TANGO2: variants seen among roughly 807,000 people sequenced by gnomAD.
TANGO2 encodes the protein transport and Golgi organization protein 2 homolog.
TANGO2 carries 26 observed loss-of-function variants against 39.1 expected under a neutral mutation model. The observed-to-expected ratio is 0.67, with a 90% CI of 0.49 to 0.92. TANGO2 has a LOEUF of 0.92. TANGO2 is among the 40% of genes least tolerant of loss of function. The pLI, the probability that TANGO2 is intolerant of heterozygous loss-of-function variation, is 0.00. For missense variants in TANGO2, 326 were observed against 360.1 expected (o/e 0.91, Z 0.77); for synonymous variants, 131 against 144.5 (o/e 0.91, Z 0.67).
rs1602236173 is a variant in TANGO2, at chr22:20,052,546, A to C, written c.227A>C (p.Tyr76Ser). The change falls in exon 4 of 9, where the codon TAC becomes TCC. Residue 76 changes from tyrosine to serine, a missense_variant. By Grantham distance (144) the Tyr-to-Ser change is moderately radical (BLOSUM62 -2). Coordinates refer to ENST00000327374, the MANE Select transcript of TANGO2 (RefSeq NM_152906.7). ...GGCAAGCTGGCAGCACTCACCAACT[A>C]CCTGCAGCCGCAGCTGGACTGGCAG... ...TRGKLAALTNYLQPQLDWQAR... is the reference protein window; with the variant it reads ...TRGKLAALTNSLQPQLDWQAR... 1 of 1,571,554 alleles carries C rather than the reference A, an allele frequency of 6.4e-7. No individual in the cohort carries two copies. Among genetic ancestry groups the C allele is most frequent in the Non-Finnish European group, 8.6e-7 (1 of 1,158,336 alleles).
intron 2 of TANGO2, 71 bp downstream of exon 2, chr22:20,036,925 A>G (rs1162234971): frequency 1.2e-6 from 2 of 1,614,052 alleles, no homozygotes; most frequent in South Asian, 2.2e-5. Context: ...CATGCCACCC[A>G]AGCTGCTGTG....
rs369261835 is a variant in TANGO2, at chr22:20,043,346, C to G, written c.57-9C>G. ...ATCTGAAGCCATCAGTGATGCTTTCCTCTTGCAGGCTCATCTTGGCAGCCA... is the reference window on the plus strand; with the variant it reads ...ATCTGAAGCCATCAGTGATGCTTTCGTCTTGCAGGCTCATCTTGGCAGCCA... On this transcript the variant is annotated splice_polypyrimidine_tract_variant and intron_variant, in intron 2 of 8. Transcript: ENST00000327374. 155 of 1,606,986 alleles carry G rather than the reference C, an allele frequency of 9.6e-5. No homozygotes were observed. The highest frequency in any genetic ancestry group is 1.3e-4 in the Non-Finnish European group (153 of 1,174,218).
chr22:20,063,144 G>T, intron 7 of TANGO2, 194 bp from the exon 8 acceptor site: 1 of 561,860 alleles, frequency 1.8e-6, no homozygotes, highest in East Asian at 3.0e-5. Flanking sequence ...CGACAAGAGT[G>T]AAACTCCTCC....
At chr22:20,056,934 G>A (rs1054350339) in intron 6 of TANGO2, 16 of 456,452 alleles carry the variant, frequency 3.5e-5, no homozygotes, top group Middle Eastern at 3.3e-4. Flanking sequence ...GTGTTCCGGC[G>A]CCTGGGGAGT....
At position 20,064,926 on chromosome 22, in the gene TANGO2, T is replaced by A; in HGVS notation, c.*264T>A. 4.5e-6 allele frequency: 2 copies of A among 447,948 alleles called. No homozygotes were observed. The highest frequency in any genetic ancestry group is 8.1e-6 in the Non-Finnish European group (2 of 246,398). The allele number at this position is 447,948 out of a possible 1,614,324, so 27.7% of individuals were successfully genotyped here. On this transcript the variant is annotated 3_prime_UTR_variant, in exon 9 of 9. Coordinates refer to ENST00000327374, the MANE Select transcript of TANGO2 (RefSeq NM_152906.7). Reference sequence around the variant, plus strand: ...TATACCATGAACATGTGGATACACCTGAGCCCACTCTTGCACATGTACACA... The same window carrying A: ...TATACCATGAACATGTGGATACACCAGAGCCCACTCTTGCACATGTACACA...
At chr22:20,047,228 G>GTTTTTTTTTTTTTT (rs1281456111) in intron 3 of TANGO2, among the ~76,000 whole-genome samples, 1 of 132,746 alleles carries the variant, frequency 7.5e-6, no homozygotes, top group Non-Finnish European at 1.7e-5. Context: ...TTTTTGGTTT[G>GTTTTTTTTTTTTTT]TTTGTTTTTT....
At chr22:20,039,628 TAAAAAA>T (rs1294545111) in intron 2 of TANGO2, among the ~76,000 whole-genome samples, 1 of 150,666 alleles carries the variant, frequency 6.6e-6, no homozygotes, top group South Asian at 2.1e-4. Flanking sequence ...GACTCCATCT[TAAAAAA>T]AAGAAAAAAC....
intron 6 of TANGO2, chr22:20,056,784 A>G (rs1485535695): frequency 4.4e-6 from 2 of 456,554 alleles, no homozygotes; most frequent in Non-Finnish European, 8.8e-6. Flanking sequence ...TGTAGGGACC[A>G]TAGCCTAGGT....
At chr22:20,027,218 T>C (rs1442284618) in intron 1 of TANGO2, among the ~76,000 whole-genome samples, 2 of 152,072 alleles carry the variant, frequency 1.3e-5, no homozygotes, top group Non-Finnish European at 2.9e-5. Flanking sequence ...GGGGGGATGG[T>C]GTTAAACTTT....
At chr22:20,063,238 C>T in intron 7 of TANGO2, 100 bp from the exon 8 acceptor site, 2 of 917,940 alleles carry the variant, frequency 2.2e-6, no homozygotes, top group South Asian at 1.5e-5. Flanking sequence ...TCCCCGGCCA[C>T]TCCCCAGAGC....
Position 20,061,549 on chromosome 22 carries a change from C to T in TANGO2, c.471C>T (p.Asn157=), listed in dbSNP as rs148730599. Residue 157 remains asparagine (N), a synonymous_variant, in exon 7 of 9, where the codon AAC becomes AAT. Transcript: ENST00000327374. ...VLTPGTYGLS[N]ALLETPWRKL... The stretch of plus-strand genomic sequence containing the variant: ...TCACAGGCACCTACGGGCTGAGCAA[C>T]GCGCTGCTGGAGACTCCCTGGAGGA... The T allele has an allele frequency of 9.0e-5, 144 of 1,606,354 alleles. No individual in the cohort carries two copies. Among genetic ancestry groups the T allele is most frequent in the Middle Eastern group, 1.8e-4 (1 of 5,482 alleles).
chr22:20,046,061 C>A (rs1041900617), intron 3 of TANGO2, among the ~76,000 whole-genome samples: 8 of 152,160 alleles, frequency 5.3e-5, no homozygotes, highest in African/African-American at 1.9e-4. Context: ...CAGACATTCT[C>A]TGTGTAGCTC....
At chr22:20,060,384 A>G (rs2048162801) in intron 6 of TANGO2, among the ~76,000 whole-genome samples, 1 of 147,428 alleles carries the variant, frequency 6.8e-6, no homozygotes, top group Non-Finnish European at 1.5e-5. Context: ...CCTCCCTCCC[A>G]AGTAGCTGGG....
upstream of TANGO2, among the ~76,000 whole-genome samples, chr22:20,019,011 G>A (rs147725800): frequency 7.8e-3 from 1,180 of 152,252 alleles, 16 homozygotes; most frequent in African/African-American, 0.027. Context: ...TTGAACCTGG[G>A]AGGCGGAGGT....
At chr22:20,027,884 C>T (rs567483600) in intron 1 of TANGO2, among the ~76,000 whole-genome samples, 35 of 152,164 alleles carry the variant, frequency 2.3e-4, no homozygotes, top group African/African-American at 6.7e-4. Flanking sequence ...CGGCGCCCTC[C>T]GGCTCCTGGG....
At position 20,064,526 on chromosome 22, in the gene TANGO2, C is replaced by G. The variant is rs778710522; in HGVS notation, c.711-16C>G. 18 of 1,613,822 alleles carry G rather than the reference C, an allele frequency of 1.1e-5. No individual in the cohort carries two copies. Among genetic ancestry groups the G allele is most frequent in the Admixed American group, 1.7e-5 (1 of 59,998 alleles). On this transcript the variant is annotated splice_polypyrimidine_tract_variant and intron_variant, in intron 8 of 8. Coordinates refer to ENST00000327374, the MANE Select transcript of TANGO2 (RefSeq NM_152906.7). ...TGAGGGACACCAGGTGAACGAGGGC[C>G]CCTGCTCTCTTTCAGAACCAACACT...
chr22:20,061,732 G>A (rs1790204758), intron 7 of TANGO2, 49 bp downstream of exon 7: 17 of 1,500,142 alleles, frequency 1.1e-5, no homozygotes, highest in Non-Finnish European at 1.3e-5. Flanking sequence ...CCGCCACCAG[G>A]GCAGAGGGAA....
intron 3 of TANGO2, 70 bp from the exon 4 acceptor site, chr22:20,052,395 C>A (rs2046516827): frequency 1.3e-6 from 2 of 1,546,518 alleles, no homozygotes; most frequent in Non-Finnish European, 1.8e-6. Context: ...ATGCGTCTCC[C>A]AGGGCTGGGA....
intron 1 of TANGO2, among the ~76,000 whole-genome samples, chr22:20,029,555 T>G (rs2041445463): frequency 6.6e-6 from 1 of 152,174 alleles, no homozygotes; most frequent in African/African-American, 2.4e-5. Context: ...GAGGGCTCTC[T>G]CTTTCCATTC....
Sources: gnomAD v4.1 joint callset for allele counts (sites outside exome capture counted in the v4.1 genomes callset) on GRCh38, gnomAD v4.1.1 for gene constraint, MANE v1.5 for transcripts, NCBI Gene and HGNC (gene_info 2026-07-23, HGNC 2026-07-21) for gene names.